ST3GAL6: variants seen among roughly 807,000 people sequenced by gnomAD.
ST3GAL6 encodes type 2 lactosamine alpha-2,3-sialyltransferase.
ST3GAL6 carries 31 observed loss-of-function variants against 40.5 expected under a neutral mutation model. The observed-to-expected ratio is 0.77, with a 90% CI of 0.58 to 1.03. The LOEUF is 1.03. ST3GAL6 is among the 50% of genes least tolerant of loss of function. The probability of loss-of-function intolerance (pLI) is 0.00; values close to 1 mark genes in which losing one functional copy is unlikely to be tolerated. For synonymous variants in ST3GAL6, 129 were observed against 136.9 expected (o/e 0.94, Z 0.40); for missense variants, 357 against 393.2 (o/e 0.91, Z 0.78).
chr3:98,734,675 C>A (rs929388892), intron 1 of ST3GAL6, among the ~76,000 whole-genome samples: 1 of 152,086 alleles, frequency 6.6e-6, no homozygotes, highest in Non-Finnish European at 1.5e-5. Context: ...TTCTTATGCC[C>A]TATATCAATA....
In ST3GAL6 at chr3:98,788,415, A is replaced by G. The variant is rs781684409; in HGVS notation, c.708A>G (p.Thr236=). The G allele has an allele frequency of 5.0e-6, 8 of 1,613,228 alleles. No homozygotes were observed. The highest frequency in any genetic ancestry group is 2.2e-5 in the South Asian group (2 of 90,848). Residue 236 remains threonine, a synonymous_variant, in exon 8 of 10, where the codon ACA becomes ACG. Coordinates refer to ENST00000483910, the MANE Select transcript of ST3GAL6 (RefSeq NM_001323368.2). The part of the protein sequence containing the change: ...IRILDPFIIR[T]AAYELLHFPK... Reference sequence around the variant, plus strand: ...TATTAGATCCTTTCATTATCAGAACAGCAGCTTATGAACTGCTTCATTTTC... The same window carrying G: ...TATTAGATCCTTTCATTATCAGAACGGCAGCTTATGAACTGCTTCATTTTC...
intron 1 of ST3GAL6, chr3:98,756,510 G>A (rs1937431041): frequency 1.6e-6 from 2 of 1,281,388 alleles, no homozygotes; most frequent in Non-Finnish European, 2.0e-6. Context: ...CGAACAGAGG[G>A]TCTTTAGGAC....
chr3:98,764,609 G>A (rs1056114260), intron 1 of ST3GAL6, among the ~76,000 whole-genome samples: 3 of 152,184 alleles, frequency 2.0e-5, no homozygotes, highest in Non-Finnish European at 4.4e-5. Flanking sequence ...CATCTAGGGG[G>A]AGGTAGTATA....
chr3:98,763,455 G>C lies in ST3GAL6; in HGVS notation c.-12+16G>C, dbSNP rs947875245. 1 of 1,289,474 alleles carries C rather than the reference G, an allele frequency of 7.8e-7. No individual in the cohort carries two copies. The highest frequency in any genetic ancestry group is 1.0e-6 in the Non-Finnish European group (1 of 988,754). 79.9% of individuals were successfully genotyped at this position (1,289,474 alleles called of 1,614,324 possible). On this transcript the variant is annotated intron_variant, in intron 1 of 9. Coordinates refer to ENST00000483910, the MANE Select transcript of ST3GAL6 (RefSeq NM_001323368.2). ...AGGTATGGAGGTGAGCCATGAACAAGGTTACCTGCTTAAGGGGAAGGTTGT... is the reference window on the plus strand; with the variant it reads ...AGGTATGGAGGTGAGCCATGAACAACGTTACCTGCTTAAGGGGAAGGTTGT...
chr3:98,763,243 C>A, upstream of ST3GAL6: 1 of 1,235,122 alleles, frequency 8.1e-7, no homozygotes, highest in South Asian at 1.4e-5. Context: ...CATGTGACTG[C>A]AGATTATAAT....
rs1193906028 is a variant in ST3GAL6 at position 98,767,867 on chromosome 3, T to C, written c.-11-563T>C. Among the ~76,000 whole-genome samples the C allele has an allele frequency of 3.3e-5, 5 of 152,254 alleles. No individual in the cohort carries two copies. In the South Asian group the frequency reaches 8.3e-4, roughly 25 times the overall value. On this transcript the variant is annotated intron_variant, in intron 1 of 9. Transcript: ENST00000483910. ...TGAACTGTGATGTGGAAAAATCAAA[T>C]AGGTGGATCTAAAAGTATATAAAAA...
chr3:98,764,482 A>G (rs1371332541), intron 1 of ST3GAL6, among the ~76,000 whole-genome samples: 1 of 152,212 alleles, frequency 6.6e-6, no homozygotes, highest in Non-Finnish European at 1.5e-5. Context: ...CCATTTCATC[A>G]ATTACTAGAA....
At chr3:98,771,930 C>T (rs536999259) in intron 3 of ST3GAL6, among the ~76,000 whole-genome samples, 5 of 152,004 alleles carry the variant, frequency 3.3e-5, no homozygotes, top group Non-Finnish European at 7.4e-5. Context: ...GAATTTTTAC[C>T]TTTACTACTC....
chr3:98,790,635 A>AT (rs1218731906), intron 8 of ST3GAL6, among the ~76,000 whole-genome samples: 1 of 152,032 alleles, frequency 6.6e-6, no homozygotes, highest in Non-Finnish European at 1.5e-5. Flanking sequence ...AGGTAAACGT[A>AT]TTTTTCTCTT....
intron 5 of ST3GAL6, among the ~76,000 whole-genome samples, chr3:98,778,676 T>G (rs1423317802): frequency 6.6e-6 from 1 of 152,138 alleles, no homozygotes; most frequent in African/African-American, 2.4e-5. Flanking sequence ...ACCTAAGTGA[T>G]TCCCTTACTT....
chr3:98,759,328 G>A (rs1200917617), upstream of ST3GAL6, among the ~76,000 whole-genome samples: 1 of 152,182 alleles, frequency 6.6e-6, no homozygotes, highest in African/African-American at 2.4e-5. Flanking sequence ...TAGAAACACA[G>A]GCAGAGAAGT....
intron 1 of ST3GAL6, chr3:98,732,923 G>C: frequency 6.6e-7 from 1 of 1,508,444 alleles, no homozygotes; most frequent in Non-Finnish European, 8.8e-7. Flanking sequence ...CTCAGGTCTC[G>C]GAGCCCGGTG....
Position 98,768,678 on chromosome 3 carries a change from G to A in ST3GAL6, c.89+149G>A, listed in dbSNP as rs1938637159. On this transcript the variant is annotated intron_variant, in intron 2 of 9. Coordinates refer to ENST00000483910, the MANE Select transcript of ST3GAL6 (RefSeq NM_001323368.2). The stretch of plus-strand genomic sequence containing the variant: ...TGTAAATTGGGGTTTTACCATTCCA[G>A]TATCCTATAGATTGTATCTCGAACA... 9.6e-6 allele frequency: 6 copies of A among 623,388 alleles called. No individual in the cohort carries two copies. In the South Asian group the frequency reaches 1.2e-4, roughly 12 times the overall value. The allele number at this position is 623,388 out of a possible 1,614,324, so 38.6% of individuals were successfully genotyped here.
At position 98,774,000 on chromosome 3, in the gene ST3GAL6, G is replaced by T. The variant is rs1939276290; in HGVS notation, c.335+17G>T. The T allele has an allele frequency of 6.2e-7, 1 of 1,601,666 alleles. No individual in the cohort carries two copies. Among genetic ancestry groups the T allele is most frequent in the African/African-American group, 1.3e-5 (1 of 74,754 alleles). On this transcript the variant is annotated intron_variant, in intron 5 of 9. Coordinates refer to ENST00000483910, the MANE Select transcript of ST3GAL6 (RefSeq NM_001323368.2). ...GTTTGACAAGTGAGTTTATTTCCTT[G>T]CTTCTAGTCTGGCTTTTAGCTTCAG...
intron 1 of ST3GAL6, among the ~76,000 whole-genome samples, chr3:98,756,757 A>G (rs1162131511): frequency 1.3e-5 from 2 of 152,246 alleles, no homozygotes; most frequent in Admixed American, 1.3e-4. Flanking sequence ...CCCACAGTTG[A>G]GCTATGAGAG....
intron 1 of ST3GAL6, among the ~76,000 whole-genome samples, chr3:98,753,013 A>G (rs1403812121): frequency 6.6e-6 from 1 of 152,228 alleles, no homozygotes; most frequent in African/African-American, 2.4e-5. Flanking sequence ...GATGAGTTGT[A>G]TATCTCTCAC....
intron 1 of ST3GAL6, among the ~76,000 whole-genome samples, chr3:98,738,025 T>G (rs569362231): frequency 3.9e-5 from 6 of 152,114 alleles, no homozygotes; most frequent in African/African-American, 1.4e-4. Flanking sequence ...ACCATCCCCC[T>G]GGGTGCTGTT....
At chr3:98,736,598 A>C (rs1050314719) in intron 1 of ST3GAL6, among the ~76,000 whole-genome samples, 3 of 152,136 alleles carry the variant, frequency 2.0e-5, no homozygotes, top group Admixed American at 6.5e-5. Context: ...TGTTTTTTTC[A>C]GTGGACTTTG....
Position 98,742,290 on chromosome 3 carries a change from C to T in ST3GAL6, c.-12+9758C>T, listed in dbSNP as rs543684075. On this transcript the variant is annotated intron_variant, in intron 1 of 9. Coordinates refer to the ST3GAL6 transcript ENST00000265261. ...CATTTTTACTCCAAAAATATGTTTT[C>T]TAAGTTTGAGTGTTGTCCAGTAGAT... Among the ~76,000 whole-genome samples, 10 of 152,230 alleles carry T rather than the reference C, an allele frequency of 6.6e-5. No individual in the cohort carries two copies. In the East Asian group the frequency reaches 1.3e-3, roughly 21 times the overall value.
Sources: gnomAD v4.1 joint callset for allele counts (sites outside exome capture counted in the v4.1 genomes callset) on GRCh38, gnomAD v4.1.1 for gene constraint, MANE v1.5 for transcripts, NCBI Gene and HGNC (gene_info 2026-07-23, HGNC 2026-07-21) for gene names.